CDC42BPA: variants seen among roughly 807,000 people sequenced by gnomAD.
CDC42BPA encodes the protein CDC42 binding protein kinase alpha, also known as serine/threonine-protein kinase MRCK alpha.
Under a neutral mutation model 223.5 loss-of-function variants are expected in CDC42BPA, and 80 were observed. That is an observed-to-expected ratio of 0.36 (90% CI 0.30 to 0.43). CDC42BPA has a LOEUF of 0.43. CDC42BPA is among the 20% of genes least tolerant of loss of function. The pLI is 1.00. For missense variants in CDC42BPA, 1,743 were observed against 2,099.9 expected, an observed-to-expected ratio of 0.83 and a Z score of 3.32; for synonymous variants, 694 against 718.6, an observed-to-expected ratio of 0.97 and a Z score of 0.55.
intron 24 of CDC42BPA, among the ~76,000 whole-genome samples, chr1:227,038,721 G>T (rs907553423): frequency 1.3e-5 from 2 of 152,200 alleles, no homozygotes; most frequent in African/African-American, 4.8e-5. Flanking sequence ...TCAAGATCCT[G>T]AAGGATTTCT....
At chr1:227,097,879 C>T (rs1341224675) in intron 15 of CDC42BPA, among the ~76,000 whole-genome samples, 2 of 152,176 alleles carry the variant, frequency 1.3e-5, no homozygotes, top group Non-Finnish European at 2.9e-5. Flanking sequence ...GATGCAACCC[C>T]ACAGAAGCAT....
chr1:227,116,638 T>C (rs1687817926), intron 12 of CDC42BPA, among the ~76,000 whole-genome samples: 2 of 152,190 alleles, frequency 1.3e-5, no homozygotes, highest in South Asian at 2.1e-4. Flanking sequence ...ACTTTAAATA[T>C]ATGGAGAGAT....
At chr1:227,165,047 C>G (rs996417759) in intron 5 of CDC42BPA, among the ~76,000 whole-genome samples, 8 of 79,352 alleles carry the variant, frequency 1.0e-4, no homozygotes, top group Non-Finnish European at 2.1e-4. Flanking sequence ...ACATTTACAG[C>G]ATGCAACAGC....
chr1:227,201,164 T>C (rs1297799360), intron 3 of CDC42BPA, among the ~76,000 whole-genome samples: 1 of 152,086 alleles, frequency 6.6e-6, no homozygotes, highest in Non-Finnish European at 1.5e-5. Flanking sequence ...CCTTTTTTTT[T>C]GAGACAGGAT....
At chr1:227,010,142 C>G (rs905540680) in intron 34 of CDC42BPA, among the ~76,000 whole-genome samples, 2 of 152,166 alleles carry the variant, frequency 1.3e-5, no homozygotes, top group Non-Finnish European at 2.9e-5. Flanking sequence ...GCCACCAGCT[C>G]TCCACCCTAC....
chr1:227,176,730 T>C (rs1667018135), intron 5 of CDC42BPA, among the ~76,000 whole-genome samples: 1 of 152,168 alleles, frequency 6.6e-6, no homozygotes, highest in Admixed American at 6.5e-5. Context: ...CTAACTAGTA[T>C]ATATTATTAC....
At chr1:227,203,521 A>C (rs1373552209) in intron 3 of CDC42BPA, among the ~76,000 whole-genome samples, 1 of 152,208 alleles carries the variant, frequency 6.6e-6, no homozygotes, top group Non-Finnish European at 1.5e-5. Flanking sequence ...TGGATTCAAC[A>C]TGCTTAAAGG....
chr1:227,020,107 G>C (rs1349413128), intron 32 of CDC42BPA, among the ~76,000 whole-genome samples: 2 of 152,072 alleles, frequency 1.3e-5, no homozygotes, highest in Admixed American at 1.3e-4. Context: ...TGTTGGCCAG[G>C]CTGGTCTCGA....
chr1:227,265,050 C>T (rs1533283), intron 1 of CDC42BPA: 233,729 of 781,558 alleles, frequency 0.3, 36,505 homozygotes, highest in Admixed American at 0.4. Context: ...TTCATGGACG[C>T]AGCAGGAAAA....
At chr1:227,222,611 C>T (rs914252206) in intron 2 of CDC42BPA, among the ~76,000 whole-genome samples, 4 of 152,336 alleles carry the variant, frequency 2.6e-5, no homozygotes, top group African/African-American at 9.6e-5. Flanking sequence ...GGAAGGAATG[C>T]TGCACAGAGA....
chr1:227,151,881 C>CAAAAAAA (rs58336726), intron 6 of CDC42BPA, among the ~76,000 whole-genome samples: 3 of 85,708 alleles, frequency 3.5e-5, no homozygotes, highest in African/African-American at 9.6e-5. Context: ...CCAGTCTCTA[C>CAAAAAAA]AAAAAAAAAA....
At chr1:227,180,916 T>G (rs1424096791) in intron 5 of CDC42BPA, among the ~76,000 whole-genome samples, 1 of 152,118 alleles carries the variant, frequency 6.6e-6, no homozygotes, top group Admixed American at 6.5e-5. Context: ...GGGCCTTTTT[T>G]TTTTTCAACC....
In CDC42BPA at chr1:227,145,538, G is replaced by A; in HGVS notation, c.1094C>T (p.Pro365Leu). The change falls in exon 8 of 37, where the codon CCA becomes CTA. Residue 365 changes from proline to leucine, a missense_variant. Pro to Leu is a moderately conservative substitution (Grantham distance 98). This residue lies in a region of CDC42BPA where 321 missense variants were observed against 488.7 expected (regional missense o/e 0.66). Coordinates refer to ENST00000366766, the MANE Select transcript of CDC42BPA (RefSeq NM_001394014.1). ...TACATCAAAATTCGATGTATCTGTT[G>A]GGCTACTAACTTCTGGAATATAAGG... ...EAPYIPEVSSPTDTSNFDVDD... is the reference protein window; with the variant it reads ...EAPYIPEVSSLTDTSNFDVDD... The A allele has an allele frequency of 6.2e-7, 1 of 1,613,266 alleles. No individual in the cohort carries two copies. The highest frequency in any genetic ancestry group is 1.1e-5 in the South Asian group (1 of 91,012).
At chr1:227,256,649 A>G (rs899710193) in intron 1 of CDC42BPA, among the ~76,000 whole-genome samples, 1 of 152,148 alleles carries the variant, frequency 6.6e-6, no homozygotes, top group Non-Finnish European at 1.5e-5. Context: ...ACAGAAAATA[A>G]CAAGTGATGA....
At chr1:227,026,696 G>C (rs1334781289) in intron 30 of CDC42BPA, among the ~76,000 whole-genome samples, 1 of 152,166 alleles carries the variant, frequency 6.6e-6, no homozygotes, top group Non-Finnish European at 1.5e-5. Flanking sequence ...GGGAATTATT[G>C]AAAGAGCTAC....
intron 22 of CDC42BPA, among the ~76,000 whole-genome samples, chr1:227,048,917 G>C (rs1483584921): frequency 6.6e-6 from 1 of 151,758 alleles, no homozygotes; most frequent in African/African-American, 2.4e-5. Flanking sequence ...CCTCATCTTT[G>C]TTGTTACTAT....
intron 10 of CDC42BPA, among the ~76,000 whole-genome samples, chr1:227,135,271 T>C (rs893064103): frequency 6.6e-6 from 1 of 152,192 alleles, no homozygotes; most frequent in Non-Finnish European, 1.5e-5. Context: ...ATTGATGTAC[T>C]TGGGGGCTGC....
rs1449480416 is a variant in CDC42BPA, at chr1:227,092,032, A to C, written c.2250-41T>G. ...ACACAAAAGGAAAAAGGGGAATTAA[A>C]GGTCATTTGAAAACTTGAAATTATT... On this transcript the variant is annotated intron_variant, in intron 15 of 36. Coordinates refer to ENST00000366766, the MANE Select transcript of CDC42BPA (RefSeq NM_001394014.1). 3 of 1,120,852 alleles carry C rather than the reference A, an allele frequency of 2.7e-6. No homozygotes were observed. In the Admixed American group the frequency reaches 7.2e-5, roughly 27 times the overall value. The allele number at this position is 1,120,852 out of a possible 1,614,324, so 69.4% of individuals were successfully genotyped here. A position where few individuals can be genotyped will look rare whatever the true frequency, so the allele number is the denominator to read the frequency against.
rs1438681948 is a variant in CDC42BPA, at chr1:227,097,456, G to A, written c.2249+3536C>T. Among the ~76,000 whole-genome samples, 3 of 152,302 alleles carry A rather than the reference G, an allele frequency of 2.0e-5. No individual in the cohort carries two copies. In the South Asian group the frequency reaches 6.2e-4, roughly 32 times the overall value. The stretch of plus-strand genomic sequence containing the variant: ...TTGGTTTCCAGTGTTACAGTAGGCA[G>A]TCAGGCAGACATAAGCAGGACAGGA... On this transcript the variant is annotated intron_variant, in intron 15 of 36. Transcript: ENST00000366766.
Sources: allele counts gnomAD v4.1 joint callset (sites outside exome capture counted in the v4.1 genomes callset), GRCh38; gene constraint gnomAD v4.1.1; regional missense constraint gnomAD v4.1.1; transcripts MANE v1.5; gene names NCBI Gene and HGNC (gene_info 2026-07-23, HGNC 2026-07-21).